The following KIF15 variants were observed in gnomAD, a reference collection of about 807,000 sequenced individuals.
KIF15 encodes kinesin family member 15.
In KIF15, 140 loss-of-function variants were observed where a neutral mutation model predicts 190.6. The observed-to-expected ratio is 0.73, with a 90% confidence interval of 0.64 to 0.84. KIF15 has a LOEUF of 0.84. Among genes scored for constraint, KIF15 ranks in the 40% least tolerant of loss-of-function variants. The pLI is 0.00. For synonymous variants in KIF15, 528 were observed against 551.3 expected (o/e 0.96, Z 0.59); for missense variants, 1,372 against 1,584.4 (o/e 0.87, Z 2.28).
At chr3:44,829,280 C>T (rs1021184780) in intron 24 of KIF15, among the ~76,000 whole-genome samples, 3 of 150,138 alleles carry the variant, frequency 2.0e-5, no homozygotes, top group Admixed American at 6.8e-5. Context: ...TGGCGTGAAC[C>T]CGGGAGGCGG....
chr3:44,866,456 A>T (rs746306010), intron 6 of KIF15, among the ~76,000 whole-genome samples: 17 of 152,132 alleles, frequency 1.1e-4, no homozygotes, highest in South Asian at 2.1e-4. Context: ...CTTTCCCAGC[A>T]CAGAGCCTGA....
chr3:44,799,089 G>A (rs1193934929), intron 10 of KIF15: 2 of 353,674 alleles, frequency 5.7e-6, no homozygotes, highest in Admixed American at 7.8e-5. Context: ...CTGACCCTAA[G>A]TCTCTTAAGA....
intron 1 of KIF15, among the ~76,000 whole-genome samples, chr3:44,771,510 C>T (rs1705639949): frequency 6.6e-6 from 1 of 152,100 alleles, no homozygotes; most frequent in South Asian, 2.1e-4. Context: ...CCCTCTGTAG[C>T]ATCCAAAAGC....
Position 44,851,817 on chromosome 3 carries a change from C to A in KIF15, c.3837C>A (p.Asn1279Lys). 1.2e-6 allele frequency: 2 copies of A among 1,613,662 alleles called. No individual in the cohort carries two copies. Among genetic ancestry groups the A allele is most frequent in the Non-Finnish European group, 1.7e-6 (2 of 1,179,798 alleles). Reference protein sequence around the residue: ...DLEEVQSALYNKEMECLRMTD... With the variant: ...DLEEVQSALYKKEMECLRMTD... ...AAGAAGTCCAAAGTGCCCTTTACAA[C>A]AAAGAGATGGAATGCCTTAGAATGA... Residue 1279 changes from asparagine to lysine, a missense_variant, in exon 33 of 35, where the codon AAC becomes AAA. Coordinates refer to ENST00000326047, the MANE Select transcript of KIF15 (RefSeq NM_020242.3).
At chr3:44,830,105 T>G in intron 25 of KIF15, 30 bp downstream of exon 25, 1 of 1,256,352 alleles carries the variant, frequency 8.0e-7, no homozygotes, top group Non-Finnish European at 1.1e-6. Context: ...AGATGTTAAA[T>G]TTGAGCATGG....
At chr3:44,832,375 A>G (rs1390762401) in intron 26 of KIF15, among the ~76,000 whole-genome samples, 1 of 152,194 alleles carries the variant, frequency 6.6e-6, no homozygotes, top group Admixed American at 6.5e-5. Context: ...TCATGAAGTC[A>G]GAGCTAAGAA....
chr3:44,812,997 A>T, intron 18 of KIF15, 78 bp from the exon 19 acceptor site: 1 of 860,604 alleles, frequency 1.2e-6, no homozygotes, highest in Non-Finnish European at 1.8e-6. Context: ...AAAAAAAAAA[A>T]GAAACAGGTT....
At chr3:44,763,700 T>C (rs1297140790) in intron 1 of KIF15, among the ~76,000 whole-genome samples, 1 of 151,980 alleles carries the variant, frequency 6.6e-6, no homozygotes, top group Admixed American at 6.6e-5. Context: ...CCTTTTTTTT[T>C]TTAAAGACAG....
chr3:44,843,054 G>C (rs77573859), intron 29 of KIF15, 71 bp from the exon 30 acceptor site: 1 of 1,049,284 alleles, frequency 9.5e-7, no homozygotes, highest in African/African-American at 1.6e-5. Context: ...CTGTCTCAGT[G>C]GTGGCCTTGG....
intron 24 of KIF15, among the ~76,000 whole-genome samples, chr3:44,829,037 CA>C (rs34714834): frequency 9.1e-4 from 129 of 142,390 alleles, no homozygotes; most frequent in Admixed American, 5.8e-3. Flanking sequence ...AACTCTGTCT[CA>C]AAAAAAAAAA....
At chr3:44,773,526 C>T (rs1705734857) in intron 1 of KIF15, among the ~76,000 whole-genome samples, 1 of 151,962 alleles carries the variant, frequency 6.6e-6, no homozygotes, top group Admixed American at 6.6e-5. Flanking sequence ...AGAACACCCC[C>T]AACATTGTAG....
At chr3:44,810,785 T>C (rs1575624981) in intron 16 of KIF15, 61 bp from the exon 17 acceptor site, 2 of 1,352,602 alleles carry the variant, frequency 1.5e-6, no homozygotes, top group East Asian at 4.6e-5. Context: ...ATTCACAAAA[T>C]TATTAAATAT....
At chr3:44,796,427 C>A (rs1706980726) in intron 8 of KIF15, among the ~76,000 whole-genome samples, 1 of 152,138 alleles carries the variant, frequency 6.6e-6, no homozygotes, top group Non-Finnish European at 1.5e-5. Flanking sequence ...TATATTAATT[C>A]ATTTAACCTT....
chr3:44,861,661 C>A (rs1699248083), intron 6 of KIF15, among the ~76,000 whole-genome samples: 1 of 152,246 alleles, frequency 6.6e-6, no homozygotes, highest in African/African-American at 2.4e-5. Context: ...ACCACAGCGT[C>A]CACAGTACCC....
At chr3:44,857,276 A>G (rs1045220020), downstream of KIF15, among the ~76,000 whole-genome samples, 2 of 152,220 alleles carry the variant, frequency 1.3e-5, no homozygotes, top group Non-Finnish European at 2.9e-5. Context: ...AAGTATATGC[A>G]TCAAGTGGGA....
At chr3:44,785,414 A>G (rs891466238) in intron 6 of KIF15, among the ~76,000 whole-genome samples, 2 of 152,138 alleles carry the variant, frequency 1.3e-5, no homozygotes, top group African/African-American at 2.4e-5. Context: ...GCCTTCCATG[A>G]TCTTTGTGCT....
At chr3:44,812,849 G>A (rs1314791789) in intron 18 of KIF15, among the ~76,000 whole-genome samples, 1 of 152,108 alleles carries the variant, frequency 6.6e-6, no homozygotes, top group Non-Finnish European at 1.5e-5. Flanking sequence ...GCTGGACGTG[G>A]TGGCGTGGGT....
At chr3:44,847,650 C>T (rs1189058143) in intron 30 of KIF15, among the ~76,000 whole-genome samples, 1 of 152,176 alleles carries the variant, frequency 6.6e-6, no homozygotes, top group African/African-American at 2.4e-5. Flanking sequence ...TTCTTTCAGC[C>T]CCCTTTTGTT....
intron 1 of KIF15, among the ~76,000 whole-genome samples, chr3:44,773,364 C>T (rs1227603444): frequency 6.6e-6 from 1 of 152,134 alleles, no homozygotes; most frequent in Non-Finnish European, 1.5e-5. Flanking sequence ...ACTCTGTGGG[C>T]ATGTGGCGGG....
Sources: gnomAD v4.1 joint callset for allele counts (sites outside exome capture counted in the v4.1 genomes callset) on GRCh38, gnomAD v4.1.1 for gene constraint, MANE v1.5 for transcripts, NCBI Gene and HGNC (gene_info 2026-07-23, HGNC 2026-07-21) for gene names.